Variants in WDFY4 observed in about 807,000 individuals in gnomAD.
WDFY4 encodes WDFY family member 4.
Under a neutral mutation model 351.9 loss-of-function variants are expected in WDFY4, and 169 were observed. That is an observed-to-expected ratio of 0.48 (90% CI 0.42 to 0.55). The LOEUF is 0.55. WDFY4 is among the 20% of genes least tolerant of loss of function. The probability of loss-of-function intolerance (pLI) is 0.00; values close to 1 mark genes in which losing one functional copy is unlikely to be tolerated. For missense variants in WDFY4, 3,803 were observed against 3,935.6 expected (o/e 0.97, Z 0.90); for synonymous variants, 1,622 against 1,574.6 (o/e 1.03, Z -0.71).
intron 49 of WDFY4, 90 bp from the exon 50 acceptor site, chr10:48,945,950 C>A: frequency 1.1e-6 from 1 of 903,422 alleles, no homozygotes; most frequent in Non-Finnish European, 1.6e-6. Flanking sequence ...GACTGTAAAT[C>A]AATAAAGAGA....
At position 48,810,701 on chromosome 10, in the gene WDFY4, G is replaced by A. The variant is rs757891402; in HGVS notation, c.5010G>A (p.Val1670=). ...FRDGLCAGSW[V]ERSTEGVDIV... ...ATGGCCTGTGTGCAGGATCCTGGGT[G>A]GAACGCAGCACTGAGGGCGTGGATA... The change falls in exon 29 of 62, where the codon GTG becomes GTA. Residue 1670 remains valine (V), a synonymous_variant. Transcript: ENST00000325239. The A allele has an allele frequency of 2.8e-5, 43 of 1,548,472 alleles. No individual in the cohort carries two copies. In the South Asian group the frequency reaches 5.1e-4, roughly 19 times the overall value.
Position 48,832,568 on chromosome 10 carries a change from C to G in WDFY4, c.6527-5C>G. 6.5e-7 allele frequency: 1 copy of G among 1,541,330 alleles called. No homozygotes were observed. Among genetic ancestry groups the G allele is most frequent in the Non-Finnish European group, 8.8e-7 (1 of 1,140,362 alleles). On this transcript the variant is annotated splice_region_variant and splice_polypyrimidine_tract_variant and intron_variant, in intron 38 of 61. Coordinates refer to ENST00000325239, the MANE Select transcript of WDFY4 (RefSeq NM_001394531.1). ...CTCTGACATTCTTTGCTTCCCTTCC[C>G]TCAGCATCTGAGAAGAAGTCACTGG...
chr10:48,736,063 T>C lies in WDFY4; in HGVS notation c.1871T>C (p.Leu624Pro). The change falls in exon 11 of 62, where the codon CTC becomes CCC. Residue 624 changes from leucine (L) to proline (P), a missense_variant. By Grantham distance (98) the Leu-to-Pro change is moderately conservative. Transcript: ENST00000325239. ...TQGELQLKLDLLKSLLRILVT... is the reference protein window; with the variant it reads ...TQGELQLKLDPLKSLLRILVT... ...GGGGAGCTGCAGCTGAAACTGGATC[T>C]CCTGAAGGTGATTTCAAGTCCTCCT... is the stretch of plus-strand genomic sequence containing the variant. 6.4e-7 allele frequency: 1 copy of C among 1,551,802 alleles called. No individual in the cohort carries two copies. The highest frequency in any genetic ancestry group is 8.7e-7 in the Non-Finnish European group (1 of 1,146,992).
intron 56 of WDFY4, 56 bp from the exon 57 acceptor site, chr10:48,970,075 T>C: frequency 2.0e-6 from 3 of 1,532,620 alleles, no homozygotes; most frequent in Non-Finnish European, 2.6e-6. Flanking sequence ...GACTCTATCC[T>C]GGGCTCCTGT....
chr10:48,948,225 T>C (rs1486770158), intron 51 of WDFY4, among the ~76,000 whole-genome samples: 1 of 152,156 alleles, frequency 6.6e-6, no homozygotes, highest in East Asian at 1.9e-4. Flanking sequence ...TAACCCCCTC[T>C]CCCTGGAAAT....
chr10:48,778,979 T>C lies in WDFY4; in HGVS notation c.3397+147T>C, dbSNP rs757365974. ...AAATTGCTCCCTTGGGTTCCATACC[T>C]GGTGAAAGGTCTACAATATTTGTTG... On this transcript the variant is annotated intron_variant, in intron 18 of 61. Coordinates refer to ENST00000325239, the MANE Select transcript of WDFY4 (RefSeq NM_001394531.1). The C allele has an allele frequency of 1.3e-5, 11 of 843,086 alleles. No homozygotes were observed. The African/African-American group carries it at 1.7e-4, about 13-fold the overall frequency. The allele number at this position is 843,086 out of a possible 1,614,324, so 52.2% of individuals were successfully genotyped here. A position where few individuals can be genotyped will look rare whatever the true frequency, so the allele number is the denominator to read the frequency against.
chr10:48,731,928 T>C (rs1246001702), intron 9 of WDFY4, among the ~76,000 whole-genome samples: 1 of 152,180 alleles, frequency 6.6e-6, no homozygotes, highest in Non-Finnish European at 1.5e-5. Flanking sequence ...TCTGCTGGGA[T>C]ATGGCTTCCT....
chr10:48,690,915 C>A lies in WDFY4; in HGVS notation c.-18+5914C>A, dbSNP rs1254107633. On this transcript the variant is annotated intron_variant, in intron 1 of 61. Coordinates refer to ENST00000325239, the MANE Select transcript of WDFY4 (RefSeq NM_001394531.1). The stretch of plus-strand genomic sequence containing the variant: ...CTGGTTTGTGGGTCTGGTAGCCCAG[C>A]CCCCAGCCTTCAGGCCCTCCTTGGC... 3.9e-5 allele frequency among the ~76,000 whole-genome samples: 6 copies of A among 152,194 alleles called. No individual in the cohort carries two copies. The South Asian group carries it at 8.3e-4, about 21-fold the overall frequency.
chr10:48,891,315 C>T (rs983519785), intron 44 of WDFY4, among the ~76,000 whole-genome samples: 1 of 152,210 alleles, frequency 6.6e-6, no homozygotes, highest in Non-Finnish European at 1.5e-5. Context: ...CAAGCAAATA[C>T]AAGAGACCTT....
intron 19 of WDFY4, among the ~76,000 whole-genome samples, chr10:48,780,876 A>G (rs1474666897): frequency 6.6e-6 from 1 of 152,254 alleles, no homozygotes; most frequent in Non-Finnish European, 1.5e-5. Flanking sequence ...CAGAATAATT[A>G]CATCAGAATC....
Position 48,729,460 on chromosome 10 carries a change from G to T in WDFY4, c.1000G>T (p.Asp334Tyr). 2 of 1,551,422 alleles carry T rather than the reference G, an allele frequency of 1.3e-6. No individual in the cohort carries two copies. The highest frequency in any genetic ancestry group is 1.7e-6 in the Non-Finnish European group (2 of 1,147,004). Residue 334 changes from aspartate (D) to tyrosine (Y), a missense_variant, in exon 8 of 62, where the codon GAC becomes TAC. Physicochemically the swap from Asp to Tyr is radical, Grantham distance 160. Coordinates refer to ENST00000325239, the MANE Select transcript of WDFY4 (RefSeq NM_001394531.1). ...TGATGGGCTGACCCAGAGCGAAGTGGACCCGCATCTGGAGGAGCTCCTTGG... is the reference window on the plus strand; with the variant it reads ...TGATGGGCTGACCCAGAGCGAAGTGTACCCGCATCTGGAGGAGCTCCTTGG... Reference protein sequence around the residue: ...RYDGLTQSEVDPHLEELLGLV... With the variant: ...RYDGLTQSEVYPHLEELLGLV...
chr10:48,894,712 C>A (rs12248913), intron 44 of WDFY4, among the ~76,000 whole-genome samples: 1,979 of 152,284 alleles, frequency 0.013, 33 homozygotes, highest in African/African-American at 0.045. Flanking sequence ...ACAGCCAGAC[C>A]TGCAGCTAAG....
chr10:48,828,656 G>A (rs1405300426), intron 36 of WDFY4, 122 bp from the exon 37 acceptor site: 1 of 607,068 alleles, frequency 1.6e-6, no homozygotes, highest in Non-Finnish European at 2.7e-6. Flanking sequence ...GATTAGGCAA[G>A]TTTTTTTCCA....
intron 51 of WDFY4, among the ~76,000 whole-genome samples, chr10:48,948,788 T>C (rs1841180381): frequency 6.6e-6 from 1 of 152,232 alleles, no homozygotes; most frequent in South Asian, 2.1e-4. Flanking sequence ...GTTCCCTTCT[T>C]CCCTCTGCAA....
chr10:48,828,933 G>GGC, intron 37 of WDFY4, 37 bp downstream of exon 37: 1 of 283,158 alleles, frequency 3.5e-6, no homozygotes. Flanking sequence ...TGGGCGGGGG[G>GGC]GGGGCGGGGA....
chr10:48,876,618 A>T (rs1032330439), intron 42 of WDFY4, among the ~76,000 whole-genome samples: 3 of 152,316 alleles, frequency 2.0e-5, no homozygotes, highest in South Asian at 4.2e-4. Context: ...TTTTACAATA[A>T]AAGGATATTG....
chr10:48,768,897 A>G (rs2132573153), intron 13 of WDFY4, among the ~76,000 whole-genome samples: 1 of 152,320 alleles, frequency 6.6e-6, no homozygotes, highest in South Asian at 2.1e-4. Context: ...ATGGGATTGG[A>G]AAGGACATTC....
At chr10:48,729,303 AG>A in intron 7 of WDFY4, 128 bp from the exon 8 acceptor site, 1 of 1,350,364 alleles carries the variant, frequency 7.4e-7, no homozygotes. Flanking sequence ...GAATTGCCTC[AG>A]GTGCAGACCT....
Position 48,982,757 on chromosome 10 carries a change from C to A in WDFY4, c.*182C>A. The stretch of plus-strand genomic sequence containing the variant: ...ACCCTCTCCATGGCCGATGGGACTT[C>A]TATGAAAAGGATGAGCACACACACT... On this transcript the variant is annotated 3_prime_UTR_variant, in exon 62 of 62. Transcript: ENST00000325239. 4.7e-6 allele frequency: 3 copies of A among 638,536 alleles called. No individual in the cohort carries two copies. Among genetic ancestry groups the A allele is most frequent in the East Asian group, 3.4e-5 (1 of 29,554 alleles). The allele number at this position is 638,536 out of a possible 1,614,324, so 39.6% of individuals were successfully genotyped here. A position where few individuals can be genotyped will look rare whatever the true frequency, so the allele number is the denominator to read the frequency against.
Sources: allele counts gnomAD v4.1 joint callset (sites outside exome capture counted in the v4.1 genomes callset), GRCh38; gene constraint gnomAD v4.1.1; transcripts MANE v1.5; gene names NCBI Gene and HGNC (gene_info 2026-07-23, HGNC 2026-07-21).